The following NCOA1 variants were observed in gnomAD, a reference collection of about 807,000 sequenced individuals.
NCOA1 encodes Hin-2 protein.
NCOA1 carries 35 observed loss-of-function variants against 150.9 expected under a neutral mutation model. The observed-to-expected ratio is 0.23, with a 90% CI of 0.18 to 0.31. The LOEUF is 0.31. Ranked by LOEUF, NCOA1 falls within the 10% of genes least tolerant of loss-of-function variation. The pLI is 1.00. For missense variants in NCOA1, 1,491 were observed against 1,749.3 expected, an observed-to-expected ratio of 0.85 and a Z score of 2.63; for synonymous variants, 590 against 630.0, an observed-to-expected ratio of 0.94 and a Z score of 0.95.
At chr2:24,583,705 T>C (rs1032932090) in intron 2 of NCOA1, among the ~76,000 whole-genome samples, 2 of 152,162 alleles carry the variant, frequency 1.3e-5, no homozygotes, top group African/African-American at 4.8e-5. Context: ...GGAATACTAT[T>C]CAGCCATAAA....
At chr2:24,738,130 G>A (rs1663420328) in intron 17 of NCOA1, among the ~76,000 whole-genome samples, 1 of 152,118 alleles carries the variant, frequency 6.6e-6, no homozygotes, top group South Asian at 2.1e-4. Context: ...TTTGTTTTCT[G>A]ATCTAATGGG....
chr2:24,764,648 G>A (rs548504843), intron 22 of NCOA1, among the ~76,000 whole-genome samples: 2 of 152,188 alleles, frequency 1.3e-5, no homozygotes, highest in South Asian at 2.1e-4. Context: ...GTATTCATAG[G>A]AATTAAAATT....
intron 3 of NCOA1, among the ~76,000 whole-genome samples, chr2:24,632,767 G>A (rs1669763077): frequency 6.6e-6 from 1 of 152,194 alleles, no homozygotes; most frequent in African/African-American, 2.4e-5. Context: ...TAGGTTAACA[G>A]TGTAAACTAC....
intron 5 of NCOA1, among the ~76,000 whole-genome samples, chr2:24,661,760 G>A (rs1671194354): frequency 6.6e-6 from 1 of 152,018 alleles, no homozygotes; most frequent in Admixed American, 6.6e-5. Flanking sequence ...ATAGGGATCT[G>A]GTTCTGAGCT....
intron 3 of NCOA1, among the ~76,000 whole-genome samples, chr2:24,642,007 CGT>C (rs58991961): frequency 0.052 from 7,522 of 144,916 alleles, 293 homozygotes; most frequent in East Asian, 0.22. Context: ...TTACAGAGGG[CGT>C]GTGTGTGTGT....
intron 1 of NCOA1, among the ~76,000 whole-genome samples, chr2:24,541,324 G>T (rs1273622354): frequency 6.6e-6 from 1 of 152,246 alleles, no homozygotes; most frequent in East Asian, 1.9e-4. Context: ...ATCATGTCAT[G>T]GAAACCAGAG....
At chr2:24,690,450 C>T (rs1672609582) in intron 8 of NCOA1, among the ~76,000 whole-genome samples, 2 of 151,500 alleles carry the variant, frequency 1.3e-5, no homozygotes, top group Admixed American at 6.6e-5. Flanking sequence ...GTCAGGAGTA[C>T]GAGACCAGCC....
intron 14 of NCOA1, among the ~76,000 whole-genome samples, chr2:24,725,646 T>C (rs1307346046): frequency 1.3e-5 from 2 of 151,998 alleles, no homozygotes; most frequent in Non-Finnish European, 2.9e-5. Context: ...ATTTTAGAAA[T>C]TTCAAATAAC....
At chr2:24,565,944 A>G (rs961977569) in intron 2 of NCOA1, among the ~76,000 whole-genome samples, 9 of 152,192 alleles carry the variant, frequency 5.9e-5, no homozygotes, top group Non-Finnish European at 8.8e-5. Flanking sequence ...AGAGCTCCAA[A>G]GAGGGTGTCA....
chr2:24,542,928 C>G (rs145895983), intron 1 of NCOA1, among the ~76,000 whole-genome samples: 164 of 152,268 alleles, frequency 1.1e-3, no homozygotes, highest in African/African-American at 3.7e-3. Context: ...GTCACTAAGT[C>G]TAAGCCACAG....
In NCOA1 at chr2:24,742,035, C is replaced by T. The variant is rs1558331462; in HGVS notation, c.3555C>T (p.Ser1185=). 3.1e-6 allele frequency: 5 copies of T among 1,614,124 alleles called. No homozygotes were observed. Among genetic ancestry groups the T allele is most frequent in the Non-Finnish European group, 3.4e-6 (4 of 1,180,048 alleles). Residue 1185 remains serine (S), a synonymous_variant, in exon 19 of 23, where the codon AGC becomes AGT. Coordinates refer to ENST00000348332, the MANE Select transcript of NCOA1 (RefSeq NM_003743.5). ...CAGGAACCCCACCTGCTTCTACCAG[C>T]CCGTTTTCACAACTAGCAGCAAATC... The part of the protein sequence containing the change: ...TNPGTPPAST[S]PFSQLAANPE...
chr2:24,607,376 G>A (rs898249223), intron 3 of NCOA1, among the ~76,000 whole-genome samples: 1 of 151,868 alleles, frequency 6.6e-6, no homozygotes, highest in Admixed American at 6.6e-5. Context: ...TTGGCTGGGC[G>A]GTTTTGCATC....
chr2:24,701,923 T>A (rs966498519), intron 11 of NCOA1, among the ~76,000 whole-genome samples: 3 of 152,044 alleles, frequency 2.0e-5, no homozygotes, highest in African/African-American at 7.2e-5. Flanking sequence ...GGCAGGAGAA[T>A]CCCTTGAACC....
At chr2:24,523,123 C>A (rs149177840) in intron 1 of NCOA1, among the ~76,000 whole-genome samples, 2,094 of 152,256 alleles carry the variant, frequency 0.014, 26 homozygotes, top group African/African-American at 0.028. Context: ...TGGGGTTATC[C>A]ATGCATTTCA....
intron 2 of NCOA1, among the ~76,000 whole-genome samples, chr2:24,580,759 T>A (rs1488267226): frequency 6.6e-6 from 1 of 152,236 alleles, no homozygotes; most frequent in Non-Finnish European, 1.5e-5. Context: ...TCAGATAATT[T>A]TAACACCTCC....
At chr2:24,573,285 T>C (rs934704531) in intron 2 of NCOA1, among the ~76,000 whole-genome samples, 4 of 152,184 alleles carry the variant, frequency 2.6e-5, no homozygotes, top group African/African-American at 9.6e-5. Flanking sequence ...ACTTTATACA[T>C]ATTTTCAGAT....
intron 1 of NCOA1, among the ~76,000 whole-genome samples, chr2:24,542,487 A>G (rs753525654): frequency 3.9e-5 from 6 of 152,240 alleles, no homozygotes; most frequent in African/African-American, 7.2e-5. Flanking sequence ...GGCATAAATT[A>G]TACACTTTTT....
chr2:24,554,143 A>T lies in NCOA1; in HGVS notation c.-395-10152A>T, dbSNP rs548290781. 2.0e-5 allele frequency among the ~76,000 whole-genome samples: 3 copies of T among 152,150 alleles called. No individual in the cohort carries two copies. In the South Asian group the frequency reaches 6.2e-4, roughly 32 times the overall value. On this transcript the variant is annotated intron_variant, in intron 1 of 22. Coordinates refer to ENST00000348332, the MANE Select transcript of NCOA1 (RefSeq NM_003743.5). ...TTTAGTTTCATTGAACTTTTCAAAG[A>T]ATTAGATTTGTGTTTCATAGATACC...
At chr2:24,511,062 C>T (rs558833665) in intron 1 of NCOA1, among the ~76,000 whole-genome samples, 1 of 152,244 alleles carries the variant, frequency 6.6e-6, no homozygotes, top group East Asian at 1.9e-4. Context: ...TATGGATTTG[C>T]CTATTTTGTA....
Sources: gnomAD v4.1 joint callset for allele counts (sites outside exome capture counted in the v4.1 genomes callset) on GRCh38, gnomAD v4.1.1 for gene constraint, MANE v1.5 for transcripts, NCBI Gene and HGNC (gene_info 2026-07-23, HGNC 2026-07-21) for gene names.